The following RETREG3 variants were observed in gnomAD, a reference collection of about 807,000 sequenced individuals.
RETREG3 encodes reticulophagy regulator 3.
In RETREG3, 23 loss-of-function variants were observed where a neutral mutation model predicts 50.2. That is an observed-to-expected ratio of 0.46 (90% CI 0.33 to 0.65). RETREG3 has a LOEUF of 0.65. Ranked by LOEUF, RETREG3 falls within the 30% of genes least tolerant of loss-of-function variation. The probability of loss-of-function intolerance (pLI) is 0.02; values close to 1 mark genes in which losing one functional copy is unlikely to be tolerated. For missense variants in RETREG3, 546 were observed against 598.0 expected, an observed-to-expected ratio of 0.91 and a Z score of 0.91; for synonymous variants, 240 against 234.4, an observed-to-expected ratio of 1.02 and a Z score of -0.22.
Position 42,608,190 on chromosome 17 carries a change from A to G in RETREG3, c.239+896T>C, listed in dbSNP as rs372203257. Among the ~76,000 whole-genome samples, 7 of 152,290 alleles carry G rather than the reference A, an allele frequency of 4.6e-5. No homozygotes were observed. The East Asian group carries it at 1.2e-3, about 25-fold the overall frequency. ...CATTCAGCAGCAGAAAGCCCCCTAT[A>G]AGTCAGTTCCCTTGGAACCTCCTCC... On this transcript the variant is annotated intron_variant, in intron 1 of 8. Transcript: ENST00000309428.
chr17:42,599,280 C>T (rs1207555520), intron 1 of RETREG3: 1 of 152,156 alleles, frequency 6.6e-6, no homozygotes, highest in Non-Finnish European at 1.5e-5. Context: ...GCTCTAGAGG[C>T]TTATTTCTGT....
At chr17:42,585,079 T>G in intron 6 of RETREG3, 46 bp downstream of exon 6, 2 of 1,601,610 alleles carry the variant, frequency 1.2e-6, no homozygotes, top group South Asian at 2.2e-5. Flanking sequence ...CTTCTCCTTT[T>G]CGCCCCAAAT....
At chr17:42,591,907 C>A in intron 2 of RETREG3, 149 bp downstream of exon 2, 1 of 600,496 alleles carries the variant, frequency 1.7e-6, no homozygotes, top group East Asian at 2.9e-5. Context: ...GGGCACAAGC[C>A]CTTCAAGTGC....
intron 1 of RETREG3, chr17:42,608,575 A>G (rs2093172729): frequency 6.6e-6 from 1 of 152,446 alleles, no homozygotes; most frequent in Admixed American, 6.5e-5. Context: ...TGACGCTTAG[A>G]CTTCATAAAC....
intron 4 of RETREG3, 199 bp from the exon 5 acceptor site, chr17:42,586,336 A>T (rs1292904741): frequency 1.4e-5 from 8 of 580,908 alleles, no homozygotes; most frequent in Non-Finnish European, 2.1e-5. Context: ...TTACATGGCT[A>T]ACCCCATAGG....
chr17:42,601,574 CAAA>C (rs199678805), intron 1 of RETREG3, among the ~76,000 whole-genome samples: 1 of 100,128 alleles, frequency 1.0e-5, no homozygotes, highest in Admixed American at 1.3e-4. Context: ...GAGACTCTCT[CAAA>C]AAAAAAAAAG....
chr17:42,609,134 C>G lies in RETREG3; in HGVS notation c.191G>C (p.Arg64Pro), dbSNP rs2093174469. The change falls in exon 1 of 9, where the codon CGG becomes CCG. Residue 64 changes from arginine (R) to proline (P), a missense_variant. Transcript: ENST00000309428. Reference protein sequence around the residue: ...SRVQAALVWERPARSALWCLG... With the variant: ...SRVQAALVWEPPARSALWCLG... The stretch of plus-strand genomic sequence containing the variant: ...GCACCACAGAGCGCTCCTAGCTGGC[C>G]GCTCCCACACCAGGGCTGCCTGCAC... 2 of 1,609,452 alleles carry G rather than the reference C, an allele frequency of 1.2e-6. No homozygotes were observed. Among genetic ancestry groups the G allele is most frequent in the Non-Finnish European group, 1.7e-6 (2 of 1,179,900 alleles).
At chr17:42,600,310 A>G (rs935701601) in intron 1 of RETREG3, among the ~76,000 whole-genome samples, 1 of 152,122 alleles carries the variant, frequency 6.6e-6, no homozygotes, top group Non-Finnish European at 1.5e-5. Flanking sequence ...TAGAGCCAGA[A>G]GGTTGAGGTT....
intron 1 of RETREG3, among the ~76,000 whole-genome samples, chr17:42,593,925 T>C (rs2093138430): frequency 6.6e-6 from 1 of 152,174 alleles, no homozygotes; most frequent in South Asian, 2.1e-4. Flanking sequence ...GTGTGGTGGC[T>C]CATGCCTGTA....
Position 42,580,616 on chromosome 17 carries a change from A to G in RETREG3, c.*1197T>C, listed in dbSNP as rs1027006974. On this transcript the variant is annotated 3_prime_UTR_variant, in exon 9 of 9. Transcript: ENST00000309428. Reference sequence around the variant, plus strand: ...TAGAAGAGGCCCATCCCCACATCATATTCACATTTTTTAAATTTCACAAGC... The same window carrying G: ...TAGAAGAGGCCCATCCCCACATCATGTTCACATTTTTTAAATTTCACAAGC... The G allele has an allele frequency of 6.6e-6, 1 of 152,638 alleles. No homozygotes were observed. The highest frequency in any genetic ancestry group is 1.9e-4 in the East Asian group (1 of 5,330). The allele number at this position is 152,638 out of a possible 1,614,324, so 9.5% of individuals were successfully genotyped here.
chr17:42,586,317 A>G, intron 4 of RETREG3, 180 bp from the exon 5 acceptor site: 1 of 609,828 alleles, frequency 1.6e-6, no homozygotes, highest in South Asian at 2.0e-5. Flanking sequence ...CCTTCTATTC[A>G]AACTCCTTTT....
rs562663770 is a variant in RETREG3 at position 42,589,002 on chromosome 17, G to T, written c.347-1138C>A. On this transcript the variant is annotated intron_variant, in intron 2 of 8. Coordinates refer to ENST00000309428, the MANE Select transcript of RETREG3 (RefSeq NM_178126.4). ...GAGACCCAGAGCTAGGTGTAGTGAT[G>T]CTCACTTATAGTTCTGCCTCCTTGG... Among the ~76,000 whole-genome samples, 7 of 151,916 alleles carry T rather than the reference G, an allele frequency of 4.6e-5. No individual in the cohort carries two copies. In the East Asian group the frequency reaches 1.4e-3, roughly 29 times the overall value.
intron 3 of RETREG3, 90 bp downstream of exon 3, chr17:42,587,744 G>T: frequency 2.0e-6 from 3 of 1,498,676 alleles, no homozygotes; most frequent in Non-Finnish European, 2.8e-6. Flanking sequence ...TACACTGTGT[G>T]TCCAGAACAT....
intron 1 of RETREG3, among the ~76,000 whole-genome samples, chr17:42,597,462 C>T (rs938745322): frequency 1.3e-4 from 19 of 147,420 alleles, no homozygotes; most frequent in African/African-American, 4.5e-4. Context: ...GCTGGGATTA[C>T]AGGAATGAGC....
At chr17:42,582,348 T>C in intron 8 of RETREG3, 78 bp from the exon 9 acceptor site, 2 of 1,408,036 alleles carry the variant, frequency 1.4e-6, no homozygotes, top group Non-Finnish European at 1.9e-6. Flanking sequence ...ACCAGATTTT[T>C]CCCACCCTGG....
At chr17:42,604,938 G>A (rs1415077361) in intron 1 of RETREG3, among the ~76,000 whole-genome samples, 1 of 151,994 alleles carries the variant, frequency 6.6e-6, no homozygotes, top group African/African-American at 2.4e-5. Context: ...CTCATTCACA[G>A]ATGAGGTTGA....
rs201677539 is a variant in RETREG3, at chr17:42,582,677, C to G, written c.940G>C (p.Glu314Gln). 46 of 1,614,230 alleles carry G rather than the reference C, an allele frequency of 2.8e-5. No individual in the cohort carries two copies. Among genetic ancestry groups the G allele is most frequent in the Non-Finnish European group, 2.1e-5 (25 of 1,180,034 alleles). The change falls in exon 8 of 9, where the codon GAA (glutamate) becomes CAA (glutamine). Residue 314 changes from glutamate (E) to glutamine (Q), a missense_variant. Glu to Gln is a conservative substitution (Grantham distance 29). Coordinates refer to ENST00000309428, the MANE Select transcript of RETREG3 (RefSeq NM_178126.4). ...RGQTPLTEGS[E>Q]DLDGHSDPEE... ...TGAGGTCAAAGGCTCCCCTCACCTT[C>G]AGAGCCTTCCGTTAGAGGTGTTTGG... is the stretch of plus-strand genomic sequence containing the variant.
chr17:42,596,290 T>C (rs866852209), intron 1 of RETREG3, among the ~76,000 whole-genome samples: 2 of 139,074 alleles, frequency 1.4e-5, no homozygotes, highest in Middle Eastern at 8.5e-3. Flanking sequence ...GCCTGAAAGG[T>C]TGAGGCCCCA....
chr17:42,600,651 G>A (rs1216549277), intron 1 of RETREG3, among the ~76,000 whole-genome samples: 1 of 151,970 alleles, frequency 6.6e-6, no homozygotes, highest in Non-Finnish European at 1.5e-5. Flanking sequence ...TGTACATGGT[G>A]GCACACAATA....
Sources: allele counts gnomAD v4.1 joint callset (sites outside exome capture counted in the v4.1 genomes callset), GRCh38; gene constraint gnomAD v4.1.1; transcripts MANE v1.5; gene names NCBI Gene and HGNC (gene_info 2026-07-23, HGNC 2026-07-21).